The following TSG101 variants were observed in gnomAD, a reference collection of about 807,000 sequenced individuals.
TSG101 encodes tumor susceptibility 101, also known as tumor susceptibility gene 101 protein.
A neutral mutation model predicts 48.5 loss-of-function variants in TSG101; 19 were observed. The ratio of observed to expected loss-of-function variants is 0.39; its 90% CI spans 0.27 to 0.58. The LOEUF (loss-of-function observed/expected upper bound fraction) is 0.58, where lower values mean the gene tolerates loss of function less well. Ranked by LOEUF, TSG101 falls within the 20% of genes least tolerant of loss-of-function variation. TSG101 has a pLI of 0.55. For synonymous variants in TSG101, 174 were observed against 169.4 expected, an observed-to-expected ratio of 1.03 and a Z score of -0.21; for missense variants, 365 against 484.4, an observed-to-expected ratio of 0.75 and a Z score of 2.31.
rs759416085 is a variant in TSG101, at chr11:18,483,073, G to GGGT, written c.843+794_843+796dup. On this transcript the variant is annotated intron_variant, in intron 8 of 9. Transcript: ENST00000251968. ...GGGGGTGGGGAGGGATGGCACGCAG[G>GGGT]GGTGGTAATTGAATCATGGGAGCCG... is the stretch of plus-strand genomic sequence containing the variant. Among the ~76,000 whole-genome samples, 16 of 152,184 alleles carry GGGT rather than the reference G, an allele frequency of 1.1e-4. No homozygotes were observed. In the East Asian group the frequency reaches 2.1e-3, roughly 20 times the overall value.
chr11:18,506,856 C>A lies in TSG101; in HGVS notation c.548+1G>T. 6.3e-7 allele frequency: 1 copy of A among 1,582,132 alleles called. No homozygotes were observed. The highest frequency in any genetic ancestry group is 8.6e-7 in the Non-Finnish European group (1 of 1,162,142). ...TTATTCAAAAGAACGTTTTTCATTA[C>A]CTGGGATTGGGAGGGTATCCGGATG... On this transcript the variant is annotated splice_donor_variant, in intron 6 of 9. Transcript: ENST00000251968. LOFTEE classifies it high-confidence loss of function.
At chr11:18,525,184 C>T (rs1453398739) in intron 1 of TSG101, among the ~76,000 whole-genome samples, 1 of 152,144 alleles carries the variant, frequency 6.6e-6, no homozygotes, top group Non-Finnish European at 1.5e-5. Context: ...GCTAGGATTA[C>T]AGGCGTAAGC....
intron 7 of TSG101, among the ~76,000 whole-genome samples, chr11:18,487,828 A>G (rs1849642627): frequency 6.6e-6 from 1 of 151,994 alleles, no homozygotes; most frequent in Admixed American, 6.6e-5. Context: ...TGCCCATCTC[A>G]TCTTCAAATT....
intron 7 of TSG101, among the ~76,000 whole-genome samples, chr11:18,488,254 T>A (rs1363717229): frequency 6.6e-6 from 1 of 152,232 alleles, no homozygotes; most frequent in Non-Finnish European, 1.5e-5. Context: ...TTTTTTCTTT[T>A]TTTGGTTTGT....
intron 7 of TSG101, among the ~76,000 whole-genome samples, chr11:18,500,540 A>G (rs1849871555): frequency 6.6e-6 from 1 of 151,944 alleles, no homozygotes; most frequent in Non-Finnish European, 1.5e-5. Flanking sequence ...GGATAAGATT[A>G]TATTTCTTTG....
chr11:18,517,909 C>T lies in TSG101; in HGVS notation c.127+1610G>A, dbSNP rs181587604. Among the ~76,000 whole-genome samples the T allele has an allele frequency of 1.4e-3, 213 of 152,260 alleles. 1 individual carries two copies. Among genetic ancestry groups the T allele is most frequent in the African/African-American group, 4.7e-3 (194 of 41,548 alleles). On this transcript the variant is annotated intron_variant, in intron 2 of 9. Transcript: ENST00000251968. Reference sequence around the variant, plus strand: ...TTGTGCATTTTAAAAAAGAAAACCACCTTATATAAATTTGGGGCTTTGTTT... The same window carrying T: ...TTGTGCATTTTAAAAAAGAAAACCATCTTATATAAATTTGGGGCTTTGTTT...
At chr11:18,486,194 G>T (rs1255030982) in intron 7 of TSG101, among the ~76,000 whole-genome samples, 1 of 152,202 alleles carries the variant, frequency 6.6e-6, no homozygotes, top group Admixed American at 6.5e-5. Flanking sequence ...ACTCTTGATT[G>T]TCAGTGCATC....
chr11:18,485,875 A>C (rs1244898892), intron 7 of TSG101, among the ~76,000 whole-genome samples: 1 of 152,240 alleles, frequency 6.6e-6, no homozygotes, highest in Non-Finnish European at 1.5e-5. Context: ...TTCAAGCCAA[A>C]AACAGCCTGA....
At chr11:18,484,914 A>G (rs1194469796) in intron 7 of TSG101, among the ~76,000 whole-genome samples, 1 of 144,664 alleles carries the variant, frequency 6.9e-6, no homozygotes, top group African/African-American at 2.5e-5. Context: ...GACGTTAAGT[A>G]TATTTAACCT....
chr11:18,509,755 A>G, intron 4 of TSG101, 90 bp from the exon 5 acceptor site: 1 of 1,391,278 alleles, frequency 7.2e-7, no homozygotes. Flanking sequence ...TTTTCAACTC[A>G]GCTTGATAAT....
At chr11:18,481,376 T>C (rs1000041310) in intron 9 of TSG101, 1 of 1,252,964 alleles carries the variant, frequency 8.0e-7, no homozygotes, top group African/African-American at 1.5e-5. Flanking sequence ...CACAGAAGAG[T>C]TACACTCATC....
chr11:18,492,590 C>T (rs536695592), intron 7 of TSG101, among the ~76,000 whole-genome samples: 2 of 151,910 alleles, frequency 1.3e-5, no homozygotes, highest in Admixed American at 6.6e-5. Context: ...ACTTTCCAGC[C>T]AAAGTCATTA....
chr11:18,512,335 T>C lies in TSG101; in HGVS notation c.357+2343A>G, dbSNP rs147136541. ...GCAGTCTCTATTCTACTGAGTCCAG[T>C]CTGCTACTAAACCCATCTACTGAGT... is the stretch of plus-strand genomic sequence containing the variant. On this transcript the variant is annotated intron_variant, in intron 4 of 9. Coordinates refer to ENST00000251968, the MANE Select transcript of TSG101 (RefSeq NM_006292.4). Among the ~76,000 whole-genome samples, 13 of 152,294 alleles carry C rather than the reference T, an allele frequency of 8.5e-5. No homozygotes were observed. The East Asian group carries it at 2.5e-3, about 29-fold the overall frequency.
In TSG101 at chr11:18,481,167, A is replaced by T. The variant is rs140599537; in HGVS notation, c.1083+463T>A. 5.9e-3 allele frequency among the ~76,000 whole-genome samples: 895 copies of T among 152,314 alleles called. 8 individuals carry two copies. The highest frequency in any genetic ancestry group is 0.021 in the African/African-American group (863 of 41,562). Reference sequence around the variant, plus strand: ...AGATTTTCCTCTGTACAACAGCATTAAGCTTGAGACAACTTTCATACAAGA... The same window carrying T: ...AGATTTTCCTCTGTACAACAGCATTTAGCTTGAGACAACTTTCATACAAGA... On this transcript the variant is annotated intron_variant, in intron 9 of 9. Transcript: ENST00000251968.
chr11:18,526,627 G>C, intron 1 of TSG101, 148 bp downstream of exon 1: 1 of 900,710 alleles, frequency 1.1e-6, no homozygotes, highest in Non-Finnish European at 1.6e-6. Context: ...CAGGCGCCTC[G>C]GGGCGGGGTT....
chr11:18,525,008 T>G (rs1027458996), intron 1 of TSG101, among the ~76,000 whole-genome samples: 4 of 151,182 alleles, frequency 2.6e-5, no homozygotes, highest in Non-Finnish European at 5.9e-5. Context: ...TCTCCCAGGT[T>G]CAAGCGATTC....
At chr11:18,493,869 T>C (rs1849732873) in intron 7 of TSG101, among the ~76,000 whole-genome samples, 1 of 152,232 alleles carries the variant, frequency 6.6e-6, no homozygotes. Flanking sequence ...AGTGTATGAA[T>C]ATGTAAGCTT....
At chr11:18,517,467 T>C (rs531327708) in intron 2 of TSG101, among the ~76,000 whole-genome samples, 27 of 152,338 alleles carry the variant, frequency 1.8e-4, no homozygotes, top group African/African-American at 6.3e-4. Flanking sequence ...AGAGGAAAGG[T>C]TGTAATGTGC....
At chr11:18,487,222 C>A (rs1849632041) in intron 7 of TSG101, among the ~76,000 whole-genome samples, 1 of 151,026 alleles carries the variant, frequency 6.6e-6, no homozygotes, top group East Asian at 2.0e-4. Flanking sequence ...TGTAACTAAC[C>A]TGCATGTTAT....
Sources: gnomAD v4.1 joint callset for allele counts (sites outside exome capture counted in the v4.1 genomes callset) on GRCh38, gnomAD v4.1.1 for gene constraint, MANE v1.5 for transcripts, NCBI Gene and HGNC (gene_info 2026-07-23, HGNC 2026-07-21) for gene names.